CXCL9: variants seen among roughly 807,000 people sequenced by gnomAD.
CXCL9 encodes the protein C-X-C motif chemokine ligand 9, also known as C-X-C motif chemokine 9.
Under a neutral mutation model 11.7 loss-of-function variants are expected in CXCL9, and 8 were observed. The ratio of observed to expected loss-of-function variants is 0.68; its 90% CI spans 0.40 to 1.23. The LOEUF is 1.23. Ranked by LOEUF, CXCL9 falls within the 50% of genes most tolerant of loss-of-function variation. The pLI is 0.01. For missense variants in CXCL9, 133 were observed against 141.7 expected, an observed-to-expected ratio of 0.94 and a Z score of 0.31; for synonymous variants, 43 against 48.2, an observed-to-expected ratio of 0.89 and a Z score of 0.45.
At chr4:76,006,093 A>C in intron 2 of CXCL9, 55 bp downstream of exon 2, 1 of 1,547,714 alleles carries the variant, frequency 6.5e-7, no homozygotes, top group Non-Finnish European at 8.9e-7. Context: ...AACTCATGCT[A>C]AATTTAATGT....
At chr4:76,004,487 T>C (rs955420445) in intron 3 of CXCL9, among the ~76,000 whole-genome samples, 4 of 152,216 alleles carry the variant, frequency 2.6e-5, no homozygotes, top group African/African-American at 4.8e-5. Context: ...TATTAGCATA[T>C]GCACTACAAC....
chr4:76,004,947 T>G, intron 2 of CXCL9, 54 bp from the exon 3 acceptor site: 4 of 1,477,716 alleles, frequency 2.7e-6, no homozygotes, highest in South Asian at 1.5e-5. Flanking sequence ...TTTAAATGCT[T>G]CTTCTCAGAA....
intron 2 of CXCL9, chr4:76,005,141 G>T: frequency 2.8e-6 from 1 of 351,470 alleles, no homozygotes; most frequent in Non-Finnish European, 4.5e-6. Context: ...CCAACTCCTG[G>T]ATTCAAGCGA....
At position 76,002,625 on chromosome 4, in the gene CXCL9, C is replaced by A. The variant is rs1223583179; in HGVS notation, c.*973G>T. On this transcript the variant is annotated 3_prime_UTR_variant, in exon 4 of 4. Coordinates refer to ENST00000264888, the MANE Select transcript of CXCL9 (RefSeq NM_002416.3). ...TACTGTGGCTCTTGCCCTCAAGGAGCTGACAATCTGGTTGGAGAGATAGGA... is the reference window on the plus strand; with the variant it reads ...TACTGTGGCTCTTGCCCTCAAGGAGATGACAATCTGGTTGGAGAGATAGGA... 2.9e-6 allele frequency: 1 copy of A among 349,504 alleles called. No individual in the cohort carries two copies. Among genetic ancestry groups the A allele is most frequent in the African/African-American group, 2.1e-5 (1 of 47,698 alleles). 21.7% of individuals were successfully genotyped at this position (349,504 alleles called of 1,614,324 possible).
chr4:76,004,719 A>T, intron 3 of CXCL9, 90 bp downstream of exon 3: 1 of 1,445,300 alleles, frequency 6.9e-7, no homozygotes, highest in South Asian at 1.6e-5. Flanking sequence ...AAAGTTATGT[A>T]TTCTTATAGT....
chr4:76,002,468 G>A lies in CXCL9; in HGVS notation c.*1130C>T, dbSNP rs1731485166. On this transcript the variant is annotated 3_prime_UTR_variant, in exon 4 of 4. Coordinates refer to ENST00000264888, the MANE Select transcript of CXCL9 (RefSeq NM_002416.3). The stretch of plus-strand genomic sequence containing the variant: ...ACCAGAGGCTAGCCAACATGGAGTA[G>A]CCAGGAAAGAGCCAGCACCTGCTCT... 2 of 397,692 alleles carry A rather than the reference G, an allele frequency of 5.0e-6. No individual in the cohort carries two copies. The highest frequency in any genetic ancestry group is 2.6e-4 in the South Asian group (2 of 7,588). 24.6% of individuals were successfully genotyped at this position (397,692 alleles called of 1,614,324 possible).
In CXCL9 at chr4:76,007,445, T is replaced by C; in HGVS notation, c.5A>G (p.Lys2Arg). ...CAAGAGGAAAAGAACACCACTTTTC[T>C]TCATAGTGATAGAATGGAGTTCCAA... Reference protein sequence around the residue: MKKSGVLFLLGI... With the variant: MRKSGVLFLLGI... The change falls in exon 1 of 4, where the codon AAG becomes AGG. Residue 2 changes from lysine to arginine, a missense_variant. By Grantham distance (26) the Lys-to-Arg change is conservative. Coordinates refer to ENST00000264888, the MANE Select transcript of CXCL9 (RefSeq NM_002416.3). The C allele has an allele frequency of 6.3e-7, 1 of 1,581,814 alleles. No homozygotes were observed. Among genetic ancestry groups the C allele is most frequent in the Non-Finnish European group, 8.7e-7 (1 of 1,150,510 alleles).
Position 76,002,439 on chromosome 4 carries a change from G to A in CXCL9, c.*1159C>T. 5.0e-6 allele frequency: 2 copies of A among 398,366 alleles called. No individual in the cohort carries two copies. Among genetic ancestry groups the A allele is most frequent in the South Asian group, 1.3e-4 (1 of 7,812 alleles). The allele number at this position is 398,366 out of a possible 1,614,324, so 24.7% of individuals were successfully genotyped here. ...AGTGTCCTGAAGATAATAAGTAAGA[G>A]GTTACCAGAGGCTAGCCAACATGGA... On this transcript the variant is annotated 3_prime_UTR_variant, in exon 4 of 4. Transcript: ENST00000264888.
intron 2 of CXCL9, 187 bp from the exon 3 acceptor site, chr4:76,005,080 C>T (rs940040435): frequency 7.3e-6 from 7 of 955,430 alleles, no homozygotes; most frequent in Non-Finnish European, 9.5e-6. Flanking sequence ...CAGAATTTCG[C>T]TCTGTTGCCA....
intron 1 of CXCL9, 23 bp from the exon 2 acceptor site, chr4:76,006,297 A>T: frequency 6.2e-7 from 1 of 1,611,536 alleles, no homozygotes; most frequent in Non-Finnish European, 8.5e-7. Context: ...AAAAGATAGA[A>T]CACATCAGTA....
rs1180464300 is a variant in CXCL9, at chr4:76,007,427, A to G, written c.23T>C (p.Phe8Ser). Residue 8 changes from phenylalanine to serine, a missense_variant, in exon 1 of 4, where the codon TTC becomes TCC. Transcript: ENST00000264888. ...AACCAGCAAGATGATGCCCAAGAGG[A>G]AAAGAACACCACTTTTCTTCATAGT... The part of the protein sequence containing the change: MKKSGVL[F>S]LLGIILLVLI... The G allele has an allele frequency of 6.2e-7, 1 of 1,600,686 alleles. No homozygotes were observed. The highest frequency in any genetic ancestry group is 1.7e-5 in the Admixed American group (1 of 60,012).
At chr4:76,005,945 T>C (rs1275132692) in intron 2 of CXCL9, 1 of 468,596 alleles carries the variant, frequency 2.1e-6, no homozygotes, top group African/African-American at 2.0e-5. Flanking sequence ...ACAATAAACA[T>C]GTGTCATTCT....
At chr4:76,006,733 T>C (rs1385073666) in intron 1 of CXCL9, among the ~76,000 whole-genome samples, 1 of 152,246 alleles carries the variant, frequency 6.6e-6, no homozygotes, top group Admixed American at 6.5e-5. Flanking sequence ...TGGTGTTGAA[T>C]AGAAAGCACT....
In CXCL9 at chr4:76,002,581, T is replaced by C. The variant is rs1177580909; in HGVS notation, c.*1017A>G. 2 of 381,144 alleles carry C rather than the reference T, an allele frequency of 5.2e-6. No individual in the cohort carries two copies. Among genetic ancestry groups the C allele is most frequent in the Admixed American group, 9.0e-5 (2 of 22,168 alleles). The allele number at this position is 381,144 out of a possible 1,614,324, so 23.6% of individuals were successfully genotyped here. A position where few individuals can be genotyped will look rare whatever the true frequency, so the allele number is the denominator to read the frequency against. ...AGTTCCACAGTATTATTAGGCACTGTGGAAGAAACAGGGAAATATACTGTG... is the reference window on the plus strand; with the variant it reads ...AGTTCCACAGTATTATTAGGCACTGCGGAAGAAACAGGGAAATATACTGTG... On this transcript the variant is annotated 3_prime_UTR_variant, in exon 4 of 4. Coordinates refer to ENST00000264888, the MANE Select transcript of CXCL9 (RefSeq NM_002416.3).
At position 76,001,675 on chromosome 4, in the gene CXCL9, C is replaced by T. The variant is rs1459173011; in HGVS notation, c.*1923G>A. ...TGGTTGTTAGTTATATACTGTCTAC[C>T]TGTGAGATGCAAGGTAAGTGGGTCA... On this transcript the variant is annotated 3_prime_UTR_variant, in exon 4 of 4. Coordinates refer to ENST00000264888, the MANE Select transcript of CXCL9 (RefSeq NM_002416.3). 6.6e-6 allele frequency: 1 copy of T among 152,090 alleles called. No individual in the cohort carries two copies. Among genetic ancestry groups the T allele is most frequent in the African/African-American group, 2.4e-5 (1 of 41,388 alleles). 9.4% of individuals were successfully genotyped at this position (152,090 alleles called of 1,614,324 possible). A position where few individuals can be genotyped will look rare whatever the true frequency, so the allele number is the denominator to read the frequency against.
At chr4:76,007,101 G>A (rs1414251568) in intron 1 of CXCL9, among the ~76,000 whole-genome samples, 1 of 152,136 alleles carries the variant, frequency 6.6e-6, no homozygotes, top group Non-Finnish European at 1.5e-5. Context: ...GTATCAGGGA[G>A]AAGAAAATAA....
At chr4:76,007,156 T>C (rs937029164) in intron 1 of CXCL9, among the ~76,000 whole-genome samples, 1 of 152,212 alleles carries the variant, frequency 6.6e-6, no homozygotes, top group African/African-American at 2.4e-5. Context: ...AATGAACATT[T>C]ATTGAACACT....
chr4:76,007,195 A>G (rs895474839), intron 1 of CXCL9, among the ~76,000 whole-genome samples, 191 bp downstream of exon 1: 1 of 152,194 alleles, frequency 6.6e-6, no homozygotes, highest in African/African-American at 2.4e-5. Context: ...CTAGACTACA[A>G]AGACTTGTGT....
chr4:76,003,310 T>C lies in CXCL9; in HGVS notation c.*288A>G. The C allele has an allele frequency of 3.5e-6, 1 of 289,102 alleles. No homozygotes were observed. The highest frequency in any genetic ancestry group is 6.4e-6 in the Non-Finnish European group (1 of 156,114). 17.9% of individuals were successfully genotyped at this position (289,102 alleles called of 1,614,324 possible). On this transcript the variant is annotated 3_prime_UTR_variant, in exon 4 of 4. Transcript: ENST00000264888. ...CTGTTGTGAGTGGGATGTGGTTGGG[T>C]GAACATCTGTGTAGACATGGGTATT...
Sources: allele counts gnomAD v4.1 joint callset (sites outside exome capture counted in the v4.1 genomes callset), GRCh38; gene constraint gnomAD v4.1.1; transcripts MANE v1.5; gene names NCBI Gene and HGNC (gene_info 2026-07-23, HGNC 2026-07-21).